GRB14: variants seen among roughly 807,000 people sequenced by gnomAD.
The protein encoded by GRB14 is growth factor receptor-bound protein 14.
A neutral mutation model predicts 69.1 loss-of-function variants in GRB14; 38 were observed. That is an observed-to-expected ratio of 0.55 (90% CI 0.42 to 0.72). The LOEUF (loss-of-function observed/expected upper bound fraction) is 0.72. Ranked by LOEUF, GRB14 falls within the 30% of genes least tolerant of loss-of-function variation. The pLI is 0.00. For synonymous variants in GRB14, 247 were observed against 241.3 expected (o/e 1.02, Z -0.22); for missense variants, 666 against 666.1 (o/e 1.00, Z 0.00).
chr2:164,614,007 T>G (rs1245553812), intron 2 of GRB14, among the ~76,000 whole-genome samples: 1 of 152,200 alleles, frequency 6.6e-6, no homozygotes, highest in Non-Finnish European at 1.5e-5. Flanking sequence ...ACATTCCTAT[T>G]CAGTGGGTTT....
At chr2:164,596,336 G>A (rs1574343430) in intron 2 of GRB14, among the ~76,000 whole-genome samples, 1 of 152,168 alleles carries the variant, frequency 6.6e-6, no homozygotes, top group Non-Finnish European at 1.5e-5. Flanking sequence ...AGTAAGGGTT[G>A]TTTTGTCTTT....
In GRB14 at chr2:164,540,965, T is replaced by A. The variant is rs942943554; in HGVS notation, c.481+6695A>T. Among the ~76,000 whole-genome samples, 3 of 152,198 alleles carry A rather than the reference T, an allele frequency of 2.0e-5. 1 individual carries two copies. The East Asian group carries it at 5.8e-4, about 29-fold the overall frequency. The stretch of plus-strand genomic sequence containing the variant: ...AAAACTACAAATACTCAAGATATAT[T>A]TTAAGTGCACAAAAGAAAAAAGAAA... On this transcript the variant is annotated intron_variant, in intron 3 of 13. Transcript: ENST00000263915.
chr2:164,579,271 C>T (rs1195554101), intron 2 of GRB14, among the ~76,000 whole-genome samples: 3 of 152,050 alleles, frequency 2.0e-5, no homozygotes, highest in Non-Finnish European at 2.9e-5. Flanking sequence ...AAAAACATCA[C>T]CAAACTTCTA....
intron 2 of GRB14, among the ~76,000 whole-genome samples, chr2:164,579,501 GCACACACACACACACACACA>G (rs61305070): frequency 6.9e-6 from 1 of 145,010 alleles, no homozygotes; most frequent in Non-Finnish European, 1.5e-5. Context: ...GGGCACACTT[GCACACACACACACACACACA>G]CACACACACA....
At chr2:164,515,430 C>A (rs1687456426) in intron 6 of GRB14, among the ~76,000 whole-genome samples, 1 of 152,182 alleles carries the variant, frequency 6.6e-6, no homozygotes, top group Non-Finnish European at 1.5e-5. Context: ...GGCCCGGGAG[C>A]TCCACTGGGT....
intron 2 of GRB14, among the ~76,000 whole-genome samples, chr2:164,581,979 G>T (rs1689417975): frequency 6.6e-6 from 1 of 152,092 alleles, no homozygotes; most frequent in African/African-American, 2.4e-5. Flanking sequence ...TTCTTGACTG[G>T]CCTCTCTCTG....
chr2:164,513,407 A>G (rs1358746525), intron 6 of GRB14, among the ~76,000 whole-genome samples: 1 of 152,198 alleles, frequency 6.6e-6, no homozygotes, highest in Non-Finnish European at 1.5e-5. Context: ...TCTTGAGATG[A>G]GATTATCTAG....
intron 3 of GRB14, among the ~76,000 whole-genome samples, chr2:164,542,504 C>T (rs956549163): frequency 8.6e-5 from 13 of 151,998 alleles, no homozygotes; most frequent in African/African-American, 3.1e-4. Flanking sequence ...ACTATGCATC[C>T]AACAAAGGTC....
rs79165571 is a variant in GRB14 at position 164,524,342 on chromosome 2, A to G, written c.678+662T>C. Among the ~76,000 whole-genome samples, 304 of 152,216 alleles carry G rather than the reference A, an allele frequency of 2.0e-3. 9 individuals carry two copies. The East Asian group carries it at 0.052, about 26-fold the overall frequency. On this transcript the variant is annotated intron_variant, in intron 5 of 13. Coordinates refer to ENST00000263915, the MANE Select transcript of GRB14 (RefSeq NM_004490.3). Reference sequence around the variant, plus strand: ...CTACAAATCTATCGAAAATTAAAGAAAATAACTGAAATTATTCATTTATTG... The same window carrying G: ...CTACAAATCTATCGAAAATTAAAGAGAATAACTGAAATTATTCATTTATTG...
At chr2:164,502,474 A>G in intron 8 of GRB14, 139 bp from the exon 9 acceptor site, 2 of 571,316 alleles carry the variant, frequency 3.5e-6, no homozygotes, top group Non-Finnish European at 6.3e-6. Flanking sequence ...AAATTTTGAA[A>G]GATGAACTTT....
intron 3 of GRB14, among the ~76,000 whole-genome samples, chr2:164,531,755 C>A (rs1687945419): frequency 6.6e-6 from 1 of 151,082 alleles, no homozygotes; most frequent in Non-Finnish European, 1.5e-5. Flanking sequence ...ACCCCATATC[C>A]TGCCTCCTTC....
Position 164,577,386 on chromosome 2 carries a change from G to A in GRB14, c.325-29570C>T, listed in dbSNP as rs142537267. Among the ~76,000 whole-genome samples the A allele has an allele frequency of 2.3e-3, 346 of 152,282 alleles. 2 individuals carry two copies. Among genetic ancestry groups the A allele is most frequent in the African/African-American group, 8.0e-3 (334 of 41,540 alleles). On this transcript the variant is annotated intron_variant, in intron 2 of 13. Coordinates refer to ENST00000263915, the MANE Select transcript of GRB14 (RefSeq NM_004490.3). ...ATACCCAATGGTTGGGGAGGGATCT[G>A]GTATGAACAGGGCGAATTTCCCCCT... is the stretch of plus-strand genomic sequence containing the variant.
chr2:164,598,897 T>C (rs968280409), intron 2 of GRB14, among the ~76,000 whole-genome samples: 3 of 152,212 alleles, frequency 2.0e-5, no homozygotes, highest in Non-Finnish European at 4.4e-5. Flanking sequence ...GATCTCTTAT[T>C]ATCACACTAA....
intron 5 of GRB14, among the ~76,000 whole-genome samples, chr2:164,523,168 A>C (rs1687678404): frequency 6.6e-6 from 1 of 152,122 alleles, no homozygotes; most frequent in South Asian, 2.1e-4. Context: ...CCCAGCACTG[A>C]GTCAACGTGC....
intron 2 of GRB14, among the ~76,000 whole-genome samples, 161 bp downstream of exon 2, chr2:164,619,526 C>T (rs1219224463): frequency 6.6e-6 from 1 of 152,104 alleles, no homozygotes; most frequent in Non-Finnish European, 1.5e-5. Flanking sequence ...GAATAAGGCC[C>T]TAAATGGAAA....
chr2:164,551,875 A>C (rs1412665272), intron 2 of GRB14, among the ~76,000 whole-genome samples: 4 of 152,198 alleles, frequency 2.6e-5, no homozygotes, highest in African/African-American at 9.6e-5. Context: ...TGGGTAATTT[A>C]TAAAGAAAAG....
chr2:164,494,641 T>C lies in GRB14; in HGVS notation c.1383-117A>G, dbSNP rs544291534. The C allele has an allele frequency of 5.6e-6, 4 of 708,908 alleles. No homozygotes were observed. In the African/African-American group the frequency reaches 7.1e-5, roughly 13 times the overall value. 43.9% of individuals were successfully genotyped at this position (708,908 alleles called of 1,614,324 possible). ...AATGTAGCTGGGGACTCCTTTACTA[T>C]GTATTCAATGGGTGGGATTATCCAA... On this transcript the variant is annotated intron_variant, in intron 12 of 13. Transcript: ENST00000263915.
chr2:164,547,925 A>C, intron 2 of GRB14, 109 bp from the exon 3 acceptor site: 1 of 640,056 alleles, frequency 1.6e-6, no homozygotes, highest in East Asian at 3.0e-5. Flanking sequence ...AGATATATAT[A>C]AATAAATAGC....
chr2:164,578,241 A>AG (rs1689300974), intron 2 of GRB14, among the ~76,000 whole-genome samples: 1 of 152,276 alleles, frequency 6.6e-6, no homozygotes, highest in South Asian at 2.1e-4. Flanking sequence ...TAAAAAAAAA[A>AG]GAAAAAAAGA....
Sources: allele counts gnomAD v4.1 joint callset (sites outside exome capture counted in the v4.1 genomes callset), GRCh38; gene constraint gnomAD v4.1.1; transcripts MANE v1.5; gene names NCBI Gene and HGNC (gene_info 2026-07-23, HGNC 2026-07-21).